The following CWC27 variants were observed in gnomAD, a reference collection of about 807,000 sequenced individuals.
The protein encoded by CWC27 is spliceosome-associated protein CWC27 homolog.
CWC27 carries 47 observed loss-of-function variants against 63.6 expected under a neutral mutation model. The observed-to-expected ratio is 0.74, with a 90% CI of 0.58 to 0.94. CWC27 has a LOEUF of 0.94. CWC27 is among the 40% of genes least tolerant of loss of function. CWC27 has a pLI of 0.00. For missense variants in CWC27, 495 were observed against 554.3 expected (o/e 0.89, Z 1.07); for synonymous variants, 175 against 179.8 (o/e 0.97, Z 0.22).
chr5:64,858,653 G>C (rs1024271699), intron 10 of CWC27, among the ~76,000 whole-genome samples: 1 of 151,754 alleles, frequency 6.6e-6, no homozygotes, highest in African/African-American at 2.4e-5. Context: ...AATAAACACA[G>C]AGAAAATATT....
chr5:64,866,978 T>C (rs1457017100), intron 10 of CWC27, among the ~76,000 whole-genome samples: 1 of 152,086 alleles, frequency 6.6e-6, no homozygotes, highest in Non-Finnish European at 1.5e-5. Flanking sequence ...TTTGACATTT[T>C]CTACGTGAAT....
At chr5:64,892,896 A>T (rs906512510) in intron 11 of CWC27, among the ~76,000 whole-genome samples, 15 of 152,202 alleles carry the variant, frequency 9.9e-5, no homozygotes, top group Admixed American at 5.2e-4. Flanking sequence ...ATTAAAATAA[A>T]TCCTGAGCTC....
chr5:64,798,031 T>C (rs986880075), intron 7 of CWC27, among the ~76,000 whole-genome samples: 6 of 152,122 alleles, frequency 3.9e-5, no homozygotes, highest in African/African-American at 1.4e-4. Context: ...AGAATTAATA[T>C]AGGACTATTT....
intron 10 of CWC27, among the ~76,000 whole-genome samples, chr5:64,817,842 A>G (rs1277293886): frequency 6.6e-6 from 1 of 152,160 alleles, no homozygotes; most frequent in Non-Finnish European, 1.5e-5. Flanking sequence ...AAATGCACCT[A>G]TGTGAGTGTT....
intron 2 of CWC27, among the ~76,000 whole-genome samples, chr5:64,780,471 CAATA>C (rs1411652063): frequency 2.7e-5 from 4 of 148,606 alleles, no homozygotes; most frequent in Admixed American, 2.0e-4. Flanking sequence ...TATATAGAAA[CAATA>C]TATATAAATA....
Position 64,867,235 on chromosome 5 carries a change from C to T in CWC27, c.939-18208C>T, listed in dbSNP as rs191443569. Among the ~76,000 whole-genome samples the T allele has an allele frequency of 1.7e-4, 26 of 152,094 alleles. No individual in the cohort carries two copies. In the East Asian group the frequency reaches 4.1e-3, roughly 24 times the overall value. On this transcript the variant is annotated intron_variant, in intron 10 of 13. Transcript: ENST00000381070. ...TGCGGTGTTGAGCCAGGACTTTAACCCATATTCTGGTTGCAAAGCTTATGA... is the reference window on the plus strand; with the variant it reads ...TGCGGTGTTGAGCCAGGACTTTAACTCATATTCTGGTTGCAAAGCTTATGA...
chr5:64,792,035 C>T (rs548986710), intron 7 of CWC27, among the ~76,000 whole-genome samples: 1 of 152,194 alleles, frequency 6.6e-6, no homozygotes, highest in Admixed American at 6.6e-5. Flanking sequence ...TCTTTTCCTT[C>T]CACTACCAGA....
At chr5:64,840,740 G>A (rs1745811695) in intron 10 of CWC27, among the ~76,000 whole-genome samples, 2 of 152,082 alleles carry the variant, frequency 1.3e-5, no homozygotes, top group South Asian at 4.1e-4. Flanking sequence ...TTTTAGAATG[G>A]TTTCTTTGGC....
At chr5:64,941,709 G>C (rs1206385073) in intron 11 of CWC27, among the ~76,000 whole-genome samples, 1 of 151,950 alleles carries the variant, frequency 6.6e-6, no homozygotes, top group Admixed American at 6.6e-5. Flanking sequence ...AAATGAGATT[G>C]GACGTTAAAT....
At chr5:64,896,464 A>G (rs1009123735) in intron 11 of CWC27, among the ~76,000 whole-genome samples, 1 of 152,218 alleles carries the variant, frequency 6.6e-6, no homozygotes, top group Non-Finnish European at 1.5e-5. Context: ...TTAAAAATAC[A>G]TAACAACATA....
chr5:64,816,024 A>G (rs562225474), intron 10 of CWC27, among the ~76,000 whole-genome samples: 1 of 152,282 alleles, frequency 6.6e-6, no homozygotes, highest in Non-Finnish European at 1.5e-5. Flanking sequence ...AGTTGTCAGG[A>G]AGTTACATTT....
chr5:64,792,427 C>T (rs544595135), intron 7 of CWC27, among the ~76,000 whole-genome samples: 2 of 152,174 alleles, frequency 1.3e-5, no homozygotes, highest in East Asian at 3.9e-4. Context: ...TCTTGATGTT[C>T]TTTTTCCCAC....
intron 3 of CWC27, 86 bp downstream of exon 3, chr5:64,782,119 G>A: frequency 1.5e-6 from 1 of 684,954 alleles, no homozygotes; most frequent in Non-Finnish European, 2.3e-6. Flanking sequence ...GAAAATGATT[G>A]TGTTCCACAA....
At chr5:64,849,504 T>A (rs1457582455) in intron 10 of CWC27, among the ~76,000 whole-genome samples, 1 of 151,896 alleles carries the variant, frequency 6.6e-6, no homozygotes, top group Non-Finnish European at 1.5e-5. Context: ...TGGTTTCTCA[T>A]GAATGGGTTA....
intron 11 of CWC27, among the ~76,000 whole-genome samples, chr5:64,923,106 A>C (rs1032753402): frequency 6.6e-6 from 1 of 152,110 alleles, no homozygotes. Context: ...CAGGGGTGCA[A>C]ATGTACTTCA....
At chr5:64,915,437 T>A (rs73107255) in intron 11 of CWC27, among the ~76,000 whole-genome samples, 14,438 of 152,236 alleles carry the variant, frequency 0.095, 2,094 homozygotes, top group African/African-American at 0.31. Context: ...AAACAACAGA[T>A]TTGCCTGATC....
chr5:64,880,117 C>T (rs1746901432), intron 10 of CWC27, among the ~76,000 whole-genome samples: 1 of 151,964 alleles, frequency 6.6e-6, no homozygotes, highest in African/African-American at 2.4e-5. Context: ...GAGGCCATCT[C>T]TTATTTGTCC....
At chr5:64,978,646 G>A (rs1749276417) in intron 13 of CWC27, among the ~76,000 whole-genome samples, 1 of 141,732 alleles carries the variant, frequency 7.1e-6, no homozygotes, top group South Asian at 2.3e-4. Context: ...TTCCTTGAAT[G>A]TCTCAAAATC....
At chr5:64,805,913 G>T (rs1744651713) in intron 10 of CWC27, among the ~76,000 whole-genome samples, 1 of 152,104 alleles carries the variant, frequency 6.6e-6, no homozygotes, top group African/African-American at 2.4e-5. Context: ...TGTAGTATGG[G>T]CCTGATGACC....
Sources: allele counts gnomAD v4.1 joint callset (sites outside exome capture counted in the v4.1 genomes callset), GRCh38; gene constraint gnomAD v4.1.1; transcripts MANE v1.5; gene names NCBI Gene and HGNC (gene_info 2026-07-23, HGNC 2026-07-21).